The following TRIO variants were observed in gnomAD, a reference collection of about 807,000 sequenced individuals.
TRIO encodes triple functional domain protein.
A neutral mutation model predicts 351.9 loss-of-function variants in TRIO; 58 were observed. The ratio of observed to expected loss-of-function variants is 0.16; its 90% CI spans 0.13 to 0.21. The LOEUF (loss-of-function observed/expected upper bound fraction) is 0.21. Among genes scored for constraint, TRIO ranks in the 10% least tolerant of loss-of-function variants. The pLI is 1.00. For synonymous variants in TRIO, 1,758 were observed against 1,595.7 expected, an observed-to-expected ratio of 1.10 and a Z score of -2.42; for missense variants, 3,201 against 4,027.8, an observed-to-expected ratio of 0.79 and a Z score of 5.56.
chr5:14,468,229 C>T (rs27093), intron 37 of TRIO, among the ~76,000 whole-genome samples: 79,310 of 152,204 alleles, frequency 0.52, 22,632 homozygotes, highest in East Asian at 0.81. Context: ...TAAACTTTCT[C>T]GGTTTACTCA....
At chr5:14,197,240 G>A (rs1185909054) in intron 1 of TRIO, among the ~76,000 whole-genome samples, 1 of 152,156 alleles carries the variant, frequency 6.6e-6, no homozygotes, top group Non-Finnish European at 1.5e-5. Context: ...TCCCCTCTGA[G>A]CACCAGATAC....
At chr5:14,191,140 G>A (rs1022453640) in intron 1 of TRIO, among the ~76,000 whole-genome samples, 1 of 152,190 alleles carries the variant, frequency 6.6e-6, no homozygotes, top group Non-Finnish European at 1.5e-5. Context: ...GCATGGCTGG[G>A]TCTGGTTCCT....
At position 14,374,298 on chromosome 5, in the gene TRIO, C is replaced by T. The variant is rs866655659; in HGVS notation, c.3286C>T (p.Pro1096Ser). 1.2e-6 allele frequency: 2 copies of T among 1,613,542 alleles called. No homozygotes were observed. Among genetic ancestry groups the T allele is most frequent in the Non-Finnish European group, 1.7e-6 (2 of 1,179,654 alleles). The change falls in exon 19 of 57, where the codon CCA (proline) becomes TCA (serine). Residue 1096 changes from proline (P) to serine (S), a missense_variant. Pro to Ser is a moderately conservative substitution (Grantham distance 74). Coordinates refer to ENST00000344204, the MANE Select transcript of TRIO (RefSeq NM_007118.4). ...KYLHRNSVNM[P>S]GMVTHIKAPE... The stretch of plus-strand genomic sequence containing the variant: ...CCTGCACAGGAACAGCGTGAACATG[C>T]CAGGAATGGTGACGCACATCAAAGC...
At chr5:14,257,454 C>T (rs942618524) in intron 1 of TRIO, among the ~76,000 whole-genome samples, 10 of 152,110 alleles carry the variant, frequency 6.6e-5, no homozygotes, top group African/African-American at 2.4e-4. Context: ...AAATTTTGCT[C>T]ACGTGGTTTT....
chr5:14,289,818 C>T (rs1736755687), intron 4 of TRIO, among the ~76,000 whole-genome samples: 1 of 151,762 alleles, frequency 6.6e-6, no homozygotes, highest in Admixed American at 6.6e-5. Context: ...CACTGCACTC[C>T]AGCCTGGGTG....
chr5:14,470,837 C>T (rs1219357332), intron 37 of TRIO, among the ~76,000 whole-genome samples: 2 of 152,128 alleles, frequency 1.3e-5, no homozygotes, highest in Non-Finnish European at 2.9e-5. Flanking sequence ...GGAAACAAAC[C>T]AAGTTTGTTG....
At chr5:14,254,666 CCAACCA>C (rs1160718205) in intron 1 of TRIO, among the ~76,000 whole-genome samples, 1 of 152,200 alleles carries the variant, frequency 6.6e-6, no homozygotes, top group Non-Finnish European at 1.5e-5. Context: ...TGTTTCTTCT[CCAACCA>C]CACCAGTAGC....
At chr5:14,480,044 G>A (rs1226418239) in intron 43 of TRIO, 33 bp downstream of exon 43, 1 of 1,601,006 alleles carries the variant, frequency 6.2e-7, no homozygotes, top group Non-Finnish European at 8.6e-7. Flanking sequence ...TCTGGTGTCA[G>A]GAGTGAGTTT....
rs1344136739 is a variant in TRIO, at chr5:14,463,322, G to C, written c.5667+397G>C. 1.3e-5 allele frequency among the ~76,000 whole-genome samples: 2 copies of C among 152,190 alleles called. 1 individual carries two copies. The highest frequency in any genetic ancestry group is 1.3e-4 in the Admixed American group (2 of 15,280). ...GAGTTGGCCATCTCCCCTCTGTGAG[G>C]TTTTTGCATGCAGGTTTCTGGTTTG... On this transcript the variant is annotated intron_variant, in intron 36 of 56. Transcript: ENST00000344204.
chr5:14,174,804 T>A (rs1487514098), intron 1 of TRIO, among the ~76,000 whole-genome samples: 1 of 152,248 alleles, frequency 6.6e-6, no homozygotes, highest in Middle Eastern at 3.2e-3. Flanking sequence ...GAATTATATC[T>A]TTATTTTCGT....
intron 27 of TRIO, among the ~76,000 whole-genome samples, chr5:14,392,427 A>C (rs1466023243): frequency 6.6e-6 from 1 of 152,210 alleles, no homozygotes; most frequent in African/African-American, 2.4e-5. Flanking sequence ...GTCAGGAAAC[A>C]ACAGATGGTG....
intron 31 of TRIO, among the ~76,000 whole-genome samples, chr5:14,404,151 G>A (rs567924134): frequency 5.3e-4 from 81 of 151,988 alleles, no homozygotes; most frequent in Admixed American, 8.5e-4. Flanking sequence ...TGCTTATGGT[G>A]GTAGAGAACG....
chr5:14,311,552 G>A (rs1258641500), intron 8 of TRIO, among the ~76,000 whole-genome samples: 1 of 152,222 alleles, frequency 6.6e-6, no homozygotes, highest in African/African-American at 2.4e-5. Flanking sequence ...AAGACAGATT[G>A]GAACCTCCTT....
intron 49 of TRIO, among the ~76,000 whole-genome samples, chr5:14,495,643 A>G (rs1400073515): frequency 8.9e-6 from 1 of 111,732 alleles, no homozygotes; most frequent in Non-Finnish European, 1.7e-5. Context: ...ACATAGTGAA[A>G]CCCCGTCTCT....
At chr5:14,465,845 C>T (rs1352149854) in intron 37 of TRIO, 7 of 591,444 alleles carry the variant, frequency 1.2e-5, no homozygotes, top group Non-Finnish European at 2.1e-5. Context: ...CCCACATTTG[C>T]AGTGTATTCC....
At chr5:14,190,787 G>A (rs1230077601) in intron 1 of TRIO, among the ~76,000 whole-genome samples, 1 of 152,022 alleles carries the variant, frequency 6.6e-6, no homozygotes, top group Non-Finnish European at 1.5e-5. Flanking sequence ...TCAAAAAGAA[G>A]TGAATGGCTG....
intron 19 of TRIO, among the ~76,000 whole-genome samples, chr5:14,376,399 C>T (rs145018918): frequency 1.8e-3 from 280 of 152,238 alleles, no homozygotes; most frequent in African/African-American, 6.5e-3. Flanking sequence ...TACTGGTAAC[C>T]ACTGTCAAGG....
intron 34 of TRIO, among the ~76,000 whole-genome samples, chr5:14,458,243 C>T (rs1197483620): frequency 6.6e-6 from 1 of 152,112 alleles, no homozygotes; most frequent in Non-Finnish European, 1.5e-5. Context: ...CTTGCTGTTT[C>T]TTTAGACTGT....
rs750359228 is a variant in TRIO at position 14,405,991 on chromosome 5, G to T, written c.4859+1G>T. ...CCGCCACAAGACAGAAGGGAAGGAG[G>T]TGCGTGTCTGGGCGCCACTGGAGGT... On this transcript the variant is annotated splice_donor_variant, in intron 32 of 56. Coordinates refer to ENST00000344204, the MANE Select transcript of TRIO (RefSeq NM_007118.4). LOFTEE classifies it high-confidence loss of function. 1 of 1,612,890 alleles carries T rather than the reference G, an allele frequency of 6.2e-7. No homozygotes were observed. Among genetic ancestry groups the T allele is most frequent in the Non-Finnish European group, 8.5e-7 (1 of 1,179,544 alleles).
Sources: allele counts gnomAD v4.1 joint callset (sites outside exome capture counted in the v4.1 genomes callset), GRCh38; gene constraint gnomAD v4.1.1; transcripts MANE v1.5; gene names NCBI Gene and HGNC (gene_info 2026-07-23, HGNC 2026-07-21).